The following HPS1 variants were observed in gnomAD, a reference collection of about 807,000 sequenced individuals.
The protein encoded by HPS1 is BLOC-3 complex member HPS1.
HPS1 carries 59 observed loss-of-function variants against 90.6 expected under a neutral mutation model. The observed-to-expected ratio is 0.65, with a 90% CI of 0.53 to 0.81. The LOEUF is 0.81. Among genes scored for constraint, HPS1 ranks in the 30% least tolerant of loss-of-function variants. HPS1 has a pLI of 0.00. For synonymous variants in HPS1, 388 were observed against 384.4 expected, an observed-to-expected ratio of 1.01 and a Z score of -0.11; for missense variants, 849 against 896.7, an observed-to-expected ratio of 0.95 and a Z score of 0.68.
chr10:98,446,567 G>A (rs1939614338), intron 1 of HPS1, among the ~76,000 whole-genome samples: 2 of 152,148 alleles, frequency 1.3e-5, no homozygotes, highest in Admixed American at 6.5e-5. Context: ...GCAGTTCGCC[G>A]CCGCGGGGCT....
At chr10:98,420,694 T>C (rs1176262638) in intron 17 of HPS1, among the ~76,000 whole-genome samples, 1 of 151,906 alleles carries the variant, frequency 6.6e-6, no homozygotes, top group Non-Finnish European at 1.5e-5. Context: ...CTAGCCTGGG[T>C]GACAAAGTGA....
At chr10:98,430,484 C>T in intron 8 of HPS1, 87 bp downstream of exon 8, 1 of 1,003,234 alleles carries the variant, frequency 1.0e-6, no homozygotes, top group Non-Finnish European at 1.5e-6. Context: ...ATGGAGTCCC[C>T]AGGGGGAGCC....
intron 3 of HPS1, among the ~76,000 whole-genome samples, chr10:98,436,885 G>C (rs1284017799): frequency 6.6e-6 from 1 of 152,184 alleles, no homozygotes; most frequent in Non-Finnish European, 1.5e-5. Flanking sequence ...TGAAGTACAA[G>C]TGGGACACAG....
At chr10:98,424,639 G>A (rs1400622663) in intron 13 of HPS1, among the ~76,000 whole-genome samples, 1 of 152,120 alleles carries the variant, frequency 6.6e-6, no homozygotes, top group Non-Finnish European at 1.5e-5. Flanking sequence ...TAGTAGCACC[G>A]TCACAGCAAC....
chr10:98,428,715 T>TTTA (rs1554890703), intron 10 of HPS1, among the ~76,000 whole-genome samples: 18 of 150,462 alleles, frequency 1.2e-4, no homozygotes, highest in South Asian at 8.4e-4. Flanking sequence ...TTTTTTTTTT[T>TTTA]ACCTAAGAAC....
Position 98,417,826 on chromosome 10 carries a change from C to T in HPS1, c.1941-100G>A, listed in dbSNP as rs1488458132. On this transcript the variant is annotated intron_variant, in intron 19 of 19. Coordinates refer to ENST00000361490, the MANE Select transcript of HPS1 (RefSeq NM_000195.5). This position sits in a 1 kb window ranked among gnomAD's most constrained non-coding sequence, Gnocchi z 4.2. ...CCTCGCAAGCAAATGCCCATGCCCT[C>T]GGTCATCTCACTAGGCCCCTGCATG... 5.2e-6 allele frequency: 6 copies of T among 1,145,472 alleles called. No homozygotes were observed. Among genetic ancestry groups the T allele is most frequent in the Admixed American group, 1.9e-5 (1 of 53,302 alleles). The allele number at this position is 1,145,472 out of a possible 1,614,324, so 71.0% of individuals were successfully genotyped here. A position where few individuals can be genotyped will look rare whatever the true frequency, so the allele number is the denominator to read the frequency against.
intron 3 of HPS1, chr10:98,442,409 T>C (rs1036302015): frequency 6.5e-6 from 1 of 155,034 alleles, no homozygotes; most frequent in Non-Finnish European, 1.4e-5. Flanking sequence ...CATAGGTATA[T>C]ACATATCAAA....
intron 5 of HPS1, among the ~76,000 whole-genome samples, chr10:98,434,607 G>C (rs1240176491): frequency 2.0e-5 from 3 of 151,824 alleles, no homozygotes; most frequent in African/African-American, 4.8e-5. Flanking sequence ...CTCAATATGG[G>C]TAGTTGCTCA....
chr10:98,425,079 C>G (rs755962109), intron 13 of HPS1, among the ~76,000 whole-genome samples: 1 of 152,228 alleles, frequency 6.6e-6, no homozygotes, highest in Non-Finnish European at 1.5e-5. Flanking sequence ...CTCAGCTCCC[C>G]ACCTGGGCCC....
At chr10:98,436,399 A>G (rs183464647) in intron 3 of HPS1, among the ~76,000 whole-genome samples, 206 of 152,356 alleles carry the variant, frequency 1.4e-3, no homozygotes, top group Non-Finnish European at 2.4e-3. Flanking sequence ...GAATGCATAG[A>G]AAAAACGAAG....
At position 98,429,581 on chromosome 10, in the gene HPS1, T is replaced by C; in HGVS notation, c.929A>G (p.Gln310Arg). The C allele has an allele frequency of 6.2e-7, 1 of 1,614,196 alleles. No homozygotes were observed. Among genetic ancestry groups the C allele is most frequent in the Non-Finnish European group, 8.5e-7 (1 of 1,180,024 alleles). ...YFTPAPSPGD[Q>R]SSGSTIWLEG... The stretch of plus-strand genomic sequence containing the variant: ...TTTCCTCCGGTCCTCACCTGAGCTC[T>C]GATCGCCAGGGGAAGGAGCTGGTGT... Residue 310 changes from glutamine (Q) to arginine (R), a missense_variant, in exon 10 of 20, where the codon CAG (glutamine) becomes CGG (arginine). Physicochemically the swap from Gln to Arg is conservative, Grantham distance 43 (BLOSUM62 1). Transcript: ENST00000361490.
chr10:98,432,276 C>A (rs1041063516), intron 6 of HPS1, among the ~76,000 whole-genome samples: 1 of 152,234 alleles, frequency 6.6e-6, no homozygotes, highest in Non-Finnish European at 1.5e-5. Context: ...GAGTTTACCA[C>A]TCCATCTCTT....
intron 5 of HPS1, among the ~76,000 whole-genome samples, chr10:98,434,328 G>A (rs1846982450): frequency 6.6e-6 from 1 of 151,936 alleles, no homozygotes; most frequent in African/African-American, 2.4e-5. Context: ...CTCAGCCTCT[G>A]TCACACAAAC....
At chr10:98,423,534 G>T (rs1241119689) in intron 16 of HPS1, 69 bp downstream of exon 16, 9 of 1,420,522 alleles carry the variant, frequency 6.3e-6, no homozygotes, top group Non-Finnish European at 9.0e-6. Context: ...AGTCCCTCCA[G>T]GGAGCAGGTG....
intron 3 of HPS1, chr10:98,442,895 T>A: frequency 1.7e-6 from 1 of 577,602 alleles, no homozygotes; most frequent in East Asian, 3.0e-5. Context: ...CCTCATTTAG[T>A]CCAGAGAGGA....
At chr10:98,432,137 A>C (rs1463273984) in intron 6 of HPS1, among the ~76,000 whole-genome samples, 1 of 152,256 alleles carries the variant, frequency 6.6e-6, no homozygotes, top group East Asian at 1.9e-4. Flanking sequence ...AGAGAGGCAT[A>C]AGATGAAGCT....
At chr10:98,428,274 G>A (rs953051808) in intron 10 of HPS1, among the ~76,000 whole-genome samples, 3 of 152,198 alleles carry the variant, frequency 2.0e-5, no homozygotes, top group East Asian at 3.8e-4. Flanking sequence ...GGCTACACAC[G>A]AAAATCATTT....
At position 98,429,577 on chromosome 10, in the gene HPS1, G is replaced by C; in HGVS notation, c.933C>G (p.Ser311Arg). The change falls in exon 10 of 20, where the codon AGC (serine) becomes AGG (arginine). Residue 311 changes from serine (S) to arginine (R), a missense_variant. By Grantham distance (110) the Ser-to-Arg change is moderately radical (BLOSUM62 -1). Transcript: ENST00000361490. ...CTGCTTTCCTCCGGTCCTCACCTGA[G>C]CTCTGATCGCCAGGGGAAGGAGCTG... ...FTPAPSPGDQ[S>R]SGSTIWLEGG... 6.2e-7 allele frequency: 1 copy of C among 1,614,224 alleles called. No individual in the cohort carries two copies. Among genetic ancestry groups the C allele is most frequent in the South Asian group, 1.1e-5 (1 of 91,086 alleles).
In HPS1 at chr10:98,443,139, C is replaced by A. The variant is rs975771212; in HGVS notation, c.102G>T (p.Glu34Asp). 1 of 1,613,100 alleles carries A rather than the reference C, an allele frequency of 6.2e-7. No homozygotes were observed. Among genetic ancestry groups the A allele is most frequent in the Non-Finnish European group, 8.5e-7 (1 of 1,179,080 alleles). ...ESLRLKFGQS[E>D]NEEEELPALE... ...CTGCACTCACCTCTTCTTCCTCATT[C>A]TCTGACTGCCCGAACTTCAGCCGGA... The change falls in exon 3 of 20, where the codon GAG (glutamate) becomes GAT (aspartate). Residue 34 changes from glutamate (E) to aspartate (D), a missense_variant. Transcript: ENST00000361490.
Sources: gnomAD v4.1 joint callset for allele counts (sites outside exome capture counted in the v4.1 genomes callset) on GRCh38, gnomAD v4.1.1 for gene constraint, Gnocchi (gnomAD v3.1) non-coding constraint, MANE v1.5 for transcripts, NCBI Gene and HGNC (gene_info 2026-07-23, HGNC 2026-07-21) for gene names.